LHPP: variants seen among roughly 807,000 people sequenced by gnomAD.
LHPP encodes the protein hLHPP.
In LHPP, 24 loss-of-function variants were observed where a neutral mutation model predicts 30.3. The ratio of observed to expected loss-of-function variants is 0.79; its 90% CI spans 0.57 to 1.11. The LOEUF is 1.11. Ranked by LOEUF, LHPP falls within the 50% of genes most tolerant of loss-of-function variation. The pLI is 0.00. For missense variants in LHPP, 356 were observed against 367.2 expected (o/e 0.97, Z 0.25); for synonymous variants, 150 against 157.1 (o/e 0.95, Z 0.34).
chr10:124,549,527 G>A (rs868177708), intron 6 of LHPP, among the ~76,000 whole-genome samples: 1 of 152,088 alleles, frequency 6.6e-6, no homozygotes, highest in African/African-American at 2.4e-5. Flanking sequence ...TCTGAGCCCT[G>A]GTTCTGAAAA....
At chr10:124,476,556 C>CGTGG (rs1300170495) in intron 1 of LHPP, among the ~76,000 whole-genome samples, 1 of 152,210 alleles carries the variant, frequency 6.6e-6, no homozygotes, top group Non-Finnish European at 1.5e-5. Context: ...CCAGACCCCA[C>CGTGG]GCCCAGGGGA....
At chr10:124,509,410 A>G (rs1434434009) in intron 5 of LHPP, among the ~76,000 whole-genome samples, 2 of 151,966 alleles carry the variant, frequency 1.3e-5, no homozygotes, top group Non-Finnish European at 2.9e-5. Context: ...GTACATTTCT[A>G]ATTATTTGCT....
At chr10:124,509,914 A>G (rs530548419) in intron 5 of LHPP, among the ~76,000 whole-genome samples, 40 of 152,278 alleles carry the variant, frequency 2.6e-4, no homozygotes, top group Admixed American at 1.8e-3. Flanking sequence ...ACTCCAAAGC[A>G]TCGCCGCCTG....
At chr10:124,469,466 C>T (rs992163714) in intron 1 of LHPP, among the ~76,000 whole-genome samples, 1 of 151,944 alleles carries the variant, frequency 6.6e-6, no homozygotes, top group African/African-American at 2.4e-5. Flanking sequence ...GTGCGCCAGG[C>T]AGGTGCTTAA....
At position 124,473,559 on chromosome 10, in the gene LHPP, C is replaced by T. The variant is rs80069032; in HGVS notation, c.126-10580C>T. ...ATGTGGCCTCAAGGAAGTCCCTTAG[C>T]GTTCCGTCACCCCATTATGGCTGCA... On this transcript the variant is annotated intron_variant, in intron 1 of 6. Transcript: ENST00000368842. Among the ~76,000 whole-genome samples the T allele has an allele frequency of 3.3e-5, 5 of 152,274 alleles. No individual in the cohort carries two copies. The East Asian group carries it at 5.8e-4, about 18-fold the overall frequency.
chr10:124,537,484 G>T (rs1321797530), intron 6 of LHPP, among the ~76,000 whole-genome samples: 1 of 152,212 alleles, frequency 6.6e-6, no homozygotes, highest in Non-Finnish European at 1.5e-5. Context: ...ATCGAAGGCT[G>T]GTGGGACTGG....
At chr10:124,486,410 T>C (rs1953328402) in intron 2 of LHPP, among the ~76,000 whole-genome samples, 1 of 152,192 alleles carries the variant, frequency 6.6e-6, no homozygotes, top group Non-Finnish European at 1.5e-5. Context: ...GGCTGAATGA[T>C]TCATTAGCAG....
intron 5 of LHPP, chr10:124,498,509 A>G: frequency 1.4e-6 from 2 of 1,443,260 alleles, no homozygotes; most frequent in Non-Finnish European, 1.8e-6. Context: ...TCATTTTGCG[A>G]CCTTTATATT....
intron 6 of LHPP, among the ~76,000 whole-genome samples, chr10:124,594,329 CA>C (rs71026102): frequency 7.3e-4 from 55 of 75,332 alleles, no homozygotes; most frequent in Middle Eastern, 7.4e-3. Flanking sequence ...GACTCCATCT[CA>C]AAAAAAAAAA....
intron 1 of LHPP, among the ~76,000 whole-genome samples, chr10:124,471,539 A>G (rs1307383687): frequency 4.1e-5 from 2 of 48,790 alleles, no homozygotes; most frequent in Non-Finnish European, 7.8e-5. Flanking sequence ...ATATATTTAT[A>G]TATATTTTAT....
rs116740379 is a variant in LHPP at position 124,514,573 on chromosome 10, C to T, written c.625-2607C>T. ...ATCTAACGTCTTAATCTTCGTTTCT[C>T]TGTACATAACATGTCTCTTTTGTCT... On this transcript the variant is annotated intron_variant, in intron 5 of 6. Transcript: ENST00000368842. 1.9e-3 allele frequency among the ~76,000 whole-genome samples: 288 copies of T among 152,276 alleles called. 1 individual carries two copies. Among genetic ancestry groups the T allele is most frequent in the African/African-American group, 6.1e-3 (254 of 41,556 alleles).
intron 6 of LHPP, among the ~76,000 whole-genome samples, chr10:124,605,924 C>A (rs1949086279): frequency 6.6e-6 from 1 of 152,080 alleles, no homozygotes. Flanking sequence ...CCTGTGGGTT[C>A]CGGTGGTTAA....
At position 124,531,421 on chromosome 10, in the gene LHPP, T is replaced by C. The variant is rs140553793; in HGVS notation, c.716+14150T>C. ...ATTTCCAGAATAGAAAGAAATTCCA[T>C]ACACCCTTCTCCCAGAGACAGACCC... On this transcript the variant is annotated intron_variant, in intron 6 of 6. Coordinates refer to ENST00000368842, the MANE Select transcript of LHPP (RefSeq NM_022126.4). Among the ~76,000 whole-genome samples the C allele has an allele frequency of 3.9e-3, 593 of 152,354 alleles. 9 individuals carry two copies. Among genetic ancestry groups the C allele is most frequent in the African/African-American group, 0.014 (566 of 41,582 alleles).
chr10:124,490,799 C>CTTA (rs932837144), intron 3 of LHPP, among the ~76,000 whole-genome samples: 9 of 152,250 alleles, frequency 5.9e-5, no homozygotes, highest in African/African-American at 2.2e-4. Flanking sequence ...GCTGCACAGA[C>CTTA]TTATTCTGCA....
chr10:124,558,826 G>A (rs985812136), intron 6 of LHPP, among the ~76,000 whole-genome samples: 7 of 152,240 alleles, frequency 4.6e-5, no homozygotes, highest in Non-Finnish European at 8.8e-5. Context: ...AGGCCCCTGC[G>A]GCCATATGCA....
intron 1 of LHPP, among the ~76,000 whole-genome samples, chr10:124,477,027 G>A (rs970849913): frequency 1.4e-4 from 21 of 152,142 alleles, no homozygotes; most frequent in African/African-American, 2.4e-5. Flanking sequence ...CCAACATAGC[G>A]AAACCCGTCT....
chr10:124,577,746 C>A (rs201922878), intron 6 of LHPP, among the ~76,000 whole-genome samples: 1 of 98,218 alleles, frequency 1.0e-5, no homozygotes, highest in East Asian at 4.2e-4. Flanking sequence ...ATACCTTCAC[C>A]TTCCTATCCC....
intron 6 of LHPP, among the ~76,000 whole-genome samples, chr10:124,612,262 C>A (rs957117899): frequency 1.3e-5 from 2 of 152,114 alleles, no homozygotes; most frequent in African/African-American, 4.8e-5. Context: ...CAAAAAAAGC[C>A]GGGCGTGGTG....
chr10:124,533,861 G>A (rs749160044), intron 6 of LHPP, among the ~76,000 whole-genome samples: 2 of 151,698 alleles, frequency 1.3e-5, no homozygotes, highest in Non-Finnish European at 2.9e-5. Context: ...GAGTGACTCA[G>A]GGGTGCGCGA....
Sources: allele counts gnomAD v4.1 joint callset (sites outside exome capture counted in the v4.1 genomes callset), GRCh38; gene constraint gnomAD v4.1.1; transcripts MANE v1.5; gene names NCBI Gene and HGNC (gene_info 2026-07-23, HGNC 2026-07-21).